The following CDH13 variants were observed in gnomAD, a reference collection of about 807,000 sequenced individuals.
CDH13 encodes the protein cadherin-13.
Under a neutral mutation model 63.8 loss-of-function variants are expected in CDH13, and 24 were observed. The observed-to-expected ratio is 0.38, with a 90% confidence interval of 0.27 to 0.53. The LOEUF (loss-of-function observed/expected upper bound fraction) is 0.53, where lower values mean the gene tolerates loss of function less well. Among genes scored for constraint, CDH13 ranks in the 20% least tolerant of loss-of-function variants. The probability of loss-of-function intolerance (pLI) is 0.85; values close to 1 mark genes in which losing one functional copy is unlikely to be tolerated. For synonymous variants in CDH13, 503 were observed against 355.3 expected (o/e 1.42, Z -4.67); for missense variants, 1,049 against 903.1 (o/e 1.16, Z -2.07).
intron 2 of CDH13, among the ~76,000 whole-genome samples, chr16:83,011,039 A>G (rs1914100377): frequency 1.3e-5 from 2 of 152,206 alleles, no homozygotes; most frequent in South Asian, 4.1e-4. Flanking sequence ...GGCCAGAGTC[A>G]TGATAAATAA....
chr16:83,259,693 T>C (rs1479114918), intron 5 of CDH13, among the ~76,000 whole-genome samples: 1 of 152,178 alleles, frequency 6.6e-6, no homozygotes, highest in African/African-American at 2.4e-5. Flanking sequence ...ATGTGCACAA[T>C]GTGCAGGTTA....
At chr16:82,716,359 C>T (rs566248574) in intron 1 of CDH13, among the ~76,000 whole-genome samples, 1 of 151,952 alleles carries the variant, frequency 6.6e-6, no homozygotes, top group Admixed American at 6.6e-5. Flanking sequence ...GAGAGAGAGA[C>T]AAACATGGAT....
At chr16:82,842,729 T>A (rs1276611240) in intron 1 of CDH13, among the ~76,000 whole-genome samples, 2 of 110,364 alleles carry the variant, frequency 1.8e-5, no homozygotes, top group Non-Finnish European at 4.3e-5. Flanking sequence ...TTACCTTATA[T>A]AATGAAATAG....
chr16:83,251,552 G>A (rs1009946579), intron 5 of CDH13, among the ~76,000 whole-genome samples: 1 of 152,108 alleles, frequency 6.6e-6, no homozygotes, highest in South Asian at 2.1e-4. Flanking sequence ...CATTCTGATG[G>A]GTCCAATCTG....
chr16:83,032,186 G>A lies in CDH13; in HGVS notation c.334G>A (p.Val112Ile), dbSNP rs200199969. 2.3e-3 allele frequency: 3,683 copies of A among 1,613,676 alleles called. 13 individuals carry two copies. The highest frequency in any genetic ancestry group is 0.017 in the Middle Eastern group (105 of 6,058). The change falls in exon 3 of 14, where the codon GTC becomes ATC. Residue 112 changes from valine to isoleucine, a missense_variant. By Grantham distance (29) the Val-to-Ile change is conservative. Transcript: ENST00000567109. ...HAEDMAELVI[V>I]GGKDIQGSLQ... is the part of the protein sequence containing the mutation. Reference sequence around the variant, plus strand: ...GGAAGATATGGCAGAACTCGTGATTGTCGGGGGGAAAGACATCCAGGGCTC... The same window carrying A: ...GGAAGATATGGCAGAACTCGTGATTATCGGGGGGAAAGACATCCAGGGCTC...
chr16:82,766,132 AC>A (rs1204432590), intron 1 of CDH13, among the ~76,000 whole-genome samples: 4 of 152,188 alleles, frequency 2.6e-5, no homozygotes, highest in Admixed American at 2.6e-4. Flanking sequence ...CAGAAGCCCA[AC>A]ATGAAAATCA....
At chr16:83,531,076 GTGT>G (rs1320973060) in intron 7 of CDH13, among the ~76,000 whole-genome samples, 2 of 152,138 alleles carry the variant, frequency 1.3e-5, no homozygotes, top group Non-Finnish European at 2.9e-5. Flanking sequence ...AAAGTTCTTG[GTGT>G]TGTTTCTGAC....
At chr16:83,030,388 G>A (rs1916192231) in intron 2 of CDH13, among the ~76,000 whole-genome samples, 1 of 152,094 alleles carries the variant, frequency 6.6e-6, no homozygotes. Flanking sequence ...GCCGGGTACA[G>A]TGGCTCACGC....
At chr16:82,733,519 T>C (rs892009095) in intron 1 of CDH13, among the ~76,000 whole-genome samples, 1 of 148,204 alleles carries the variant, frequency 6.7e-6, no homozygotes, top group East Asian at 2.0e-4. Context: ...AGAGCTCTCA[T>C]TAAGTGATAG....
chr16:83,076,126 C>T (rs2032817811), intron 3 of CDH13, among the ~76,000 whole-genome samples: 1 of 152,142 alleles, frequency 6.6e-6, no homozygotes, highest in Admixed American at 6.5e-5. Context: ...AGTAAATGAG[C>T]TATGATGAGA....
intron 1 of CDH13, among the ~76,000 whole-genome samples, chr16:82,735,784 G>C (rs1328836360): frequency 6.6e-6 from 1 of 152,196 alleles, no homozygotes; most frequent in Non-Finnish European, 1.5e-5. Flanking sequence ...GCAGCGTTCT[G>C]CCAAAGAAAA....
At chr16:82,702,299 C>T (rs2031098221) in intron 1 of CDH13, among the ~76,000 whole-genome samples, 1 of 123,170 alleles carries the variant, frequency 8.1e-6, no homozygotes, top group African/African-American at 3.1e-5. Context: ...ATTTTCACAG[C>T]ACATGATCTA....
chr16:83,788,793 T>C (rs16961802), intron 13 of CDH13, among the ~76,000 whole-genome samples: 19,731 of 152,242 alleles, frequency 0.13, 2,136 homozygotes, highest in African/African-American at 0.3. Flanking sequence ...TGATTGTATC[T>C]CACTGTAAGT....
At position 83,691,071 on chromosome 16, in the gene CDH13, C is replaced by CGTGTGTGTGTGT. The variant is rs58023339; in HGVS notation, c.1538+12647_1538+12658dup. Among the ~76,000 whole-genome samples the CGTGTGTGTGTGT allele has an allele frequency of 3.0e-4, 43 of 141,008 alleles. 1 individual carries two copies. Among genetic ancestry groups the CGTGTGTGTGTGT allele is most frequent in the East Asian group, 2.6e-3 (12 of 4,672 alleles). The allele number at this position is 141,008 out of a possible 152,430, so 92.5% of individuals were successfully genotyped here. ...ACAGGGATTTGCTAACCAACTGTGC[C>CGTGTGTGTGTGT]GTGTGTGTGTGTGTGTGTGTGTGTG... On this transcript the variant is annotated intron_variant, in intron 10 of 13. Transcript: ENST00000567109.
chr16:82,871,782 C>T (rs1283344544), intron 2 of CDH13, among the ~76,000 whole-genome samples: 1 of 152,180 alleles, frequency 6.6e-6, no homozygotes, highest in Admixed American at 6.5e-5. Flanking sequence ...CAATATCACC[C>T]TTCATCCCCC....
At chr16:82,951,567 T>C (rs951587690) in intron 2 of CDH13, among the ~76,000 whole-genome samples, 1 of 152,206 alleles carries the variant, frequency 6.6e-6, no homozygotes, top group South Asian at 2.1e-4. Context: ...GCTCAGTCCA[T>C]GGCAATGAGT....
chr16:83,715,180 A>T (rs190582613), intron 10 of CDH13, among the ~76,000 whole-genome samples: 2 of 152,336 alleles, frequency 1.3e-5, no homozygotes, highest in Admixed American at 6.5e-5. Flanking sequence ...TGCTGGCATA[A>T]ATATTAAGCT....
At chr16:82,658,496 G>T (rs1475739489) in intron 1 of CDH13, among the ~76,000 whole-genome samples, 3 of 152,198 alleles carry the variant, frequency 2.0e-5, no homozygotes, top group African/African-American at 7.2e-5. Context: ...AAGAGAGAAA[G>T]TAGCTCAGTG....
At chr16:83,463,782 G>T (rs1321977654) in intron 6 of CDH13, among the ~76,000 whole-genome samples, 1 of 152,168 alleles carries the variant, frequency 6.6e-6, no homozygotes. Flanking sequence ...TCCGGCCTAG[G>T]TAACTGAGTG....
Sources: allele counts gnomAD v4.1 joint callset (sites outside exome capture counted in the v4.1 genomes callset), GRCh38; gene constraint gnomAD v4.1.1; transcripts MANE v1.5; gene names NCBI Gene and HGNC (gene_info 2026-07-23, HGNC 2026-07-21).